Variants in FREM2 observed in about 807,000 individuals in gnomAD.
FREM2 encodes the protein FRAS1-related extracellular matrix protein 2.
A neutral mutation model predicts 219.9 loss-of-function variants in FREM2; 119 were observed. The observed-to-expected ratio is 0.54, with a 90% confidence interval of 0.47 to 0.63. FREM2 has a LOEUF of 0.63. FREM2 is among the 30% of genes least tolerant of loss of function. FREM2 has a pLI of 0.00. For synonymous variants in FREM2, 1,562 were observed against 1,522.8 expected (o/e 1.03, Z -0.60); for missense variants, 4,030 against 3,993.6 (o/e 1.01, Z -0.25).
At chr13:38,769,441 A>G (rs1873565035) in intron 3 of FREM2, 137 bp from the exon 4 acceptor site, 1 of 759,366 alleles carries the variant, frequency 1.3e-6, no homozygotes, top group African/African-American at 1.7e-5. Flanking sequence ...ACCCATTCCC[A>G]ATTTTCCATT....
At chr13:38,783,578 G>A (rs948750156) in intron 5 of FREM2, among the ~76,000 whole-genome samples, 2 of 151,424 alleles carry the variant, frequency 1.3e-5, no homozygotes, top group Non-Finnish European at 1.5e-5. Context: ...CAAAATGTTT[G>A]TTTTGCTCAT....
In FREM2 at chr13:38,691,033, C is replaced by T. The variant is rs778036928; in HGVS notation, c.3689C>T (p.Thr1230Ile). Residue 1230 changes from threonine (T) to isoleucine (I), a missense_variant, in exon 1 of 24, where the codon ACC (threonine) becomes ATC (isoleucine). Around this residue, in one of 2 missense-constraint regions of FREM2, gnomAD observed 3,102 missense variants for 2,950.7 expected, o/e 1.05. Coordinates refer to ENST00000280481, the MANE Select transcript of FREM2 (RefSeq NM_207361.6). ...CTGGATGATTTAACTTTCACTATTA[C>T]CCAATTCCCCACTCATGGTCACATC... Reference protein sequence around the residue: ...VPLDDLTFTITQFPTHGHIMN... With the variant: ...VPLDDLTFTIIQFPTHGHIMN... 12 of 1,614,004 alleles carry T rather than the reference C, an allele frequency of 7.4e-6. No homozygotes were observed. Among genetic ancestry groups the T allele is most frequent in the Non-Finnish European group, 1.0e-5 (12 of 1,180,020 alleles).
chr13:38,688,700 T>C lies in FREM2; in HGVS notation c.1356T>C (p.Gly452=). 1.9e-6 allele frequency: 3 copies of C among 1,613,924 alleles called. No individual in the cohort carries two copies. Among genetic ancestry groups the C allele is most frequent in the Non-Finnish European group, 2.5e-6 (3 of 1,179,870 alleles). The part of the protein sequence containing the change: ...TRNTGLILYE[G]QSRPLTGPAG... ...ATACCGGTCTTATTCTCTATGAGGG[T>C]CAGTCTCGGCCCCTCACAGGCCCTG... Residue 452 remains glycine (G), a synonymous_variant, in exon 1 of 24, where the codon GGT becomes GGC. Coordinates refer to ENST00000280481, the MANE Select transcript of FREM2 (RefSeq NM_207361.6).
intron 2 of FREM2, among the ~76,000 whole-genome samples, chr13:38,760,683 A>T (rs1044293339): frequency 3.3e-5 from 5 of 152,206 alleles, no homozygotes; most frequent in Non-Finnish European, 7.3e-5. Flanking sequence ...TAGAAAATTT[A>T]TGTTGCTCAA....
chr13:38,849,676 A>G (rs1339477096), intron 8 of FREM2, among the ~76,000 whole-genome samples: 1 of 152,226 alleles, frequency 6.6e-6, no homozygotes, highest in Non-Finnish European at 1.5e-5. Flanking sequence ...ACATGATCTG[A>G]GTAAACTATG....
intron 6 of FREM2, among the ~76,000 whole-genome samples, chr13:38,811,278 GTATTA>G (rs1316773247): frequency 9.2e-5 from 14 of 151,604 alleles, no homozygotes; most frequent in Middle Eastern, 3.4e-3. Flanking sequence ...TTGATCTTGT[GTATTA>G]TATTCTTCAT....
chr13:38,690,486 A>G lies in FREM2; in HGVS notation c.3142A>G (p.Asn1048Asp). 1 of 1,614,208 alleles carries G rather than the reference A, an allele frequency of 6.2e-7. No homozygotes were observed. The highest frequency in any genetic ancestry group is 8.5e-7 in the Non-Finnish European group (1 of 1,180,044). The change falls in exon 1 of 24, where the codon AAT becomes GAT. Residue 1048 changes from asparagine (N) to aspartate (D), a missense_variant. This residue lies in a region of FREM2 where 3,102 missense variants were observed against 2,950.7 expected (regional missense o/e 1.05). Coordinates refer to ENST00000280481, the MANE Select transcript of FREM2 (RefSeq NM_207361.6). Reference sequence around the variant, plus strand: ...GTCTCAAGAATGGAGAATTGGTGGCAATACTATCCAAGGAGTTACTATATG... The same window carrying G: ...GTCTCAAGAATGGAGAATTGGTGGCGATACTATCCAAGGAGTTACTATATG... The part of the protein sequence containing the change: ...DMSQEWRIGG[N>D]TIQGVTIWVT...
chr13:38,812,086 CTATAGTGTCT>C (rs1875501964), intron 6 of FREM2, among the ~76,000 whole-genome samples: 1 of 152,138 alleles, frequency 6.6e-6, no homozygotes, highest in Non-Finnish European at 1.5e-5. Flanking sequence ...GTCTTGAAAT[CTATAGTGTCT>C]TATATAAGTA....
intron 7 of FREM2, among the ~76,000 whole-genome samples, chr13:38,847,920 T>G (rs1189601565): frequency 2.0e-5 from 3 of 152,142 alleles, no homozygotes; most frequent in African/African-American, 7.2e-5. Flanking sequence ...AAGTAGAAGC[T>G]TCTCTCATTG....
At chr13:38,715,225 A>G (rs951325050) in intron 2 of FREM2, among the ~76,000 whole-genome samples, 3 of 152,224 alleles carry the variant, frequency 2.0e-5, no homozygotes, top group African/African-American at 7.2e-5. Context: ...AGAGACAAAG[A>G]TAACCAATGC....
intron 6 of FREM2, among the ~76,000 whole-genome samples, chr13:38,811,199 C>G (rs1162183644): frequency 2.0e-5 from 3 of 151,844 alleles, no homozygotes; most frequent in Non-Finnish European, 4.4e-5. Flanking sequence ...TTTGGATCTT[C>G]TCTCTTTTTT....
In FREM2 at chr13:38,824,822, C is replaced by G. The variant is rs371786473; in HGVS notation, c.6020-21751C>G. On this transcript the variant is annotated intron_variant, in intron 6 of 23. Coordinates refer to ENST00000280481, the MANE Select transcript of FREM2 (RefSeq NM_207361.6). ...AAGTTACACCTTATCAGAATTCAGA[C>G]TCCTCTCCTCCTGTAGGCTGGTGGT... 5.3e-5 allele frequency among the ~76,000 whole-genome samples: 8 copies of G among 152,012 alleles called. No homozygotes were observed. In the East Asian group the frequency reaches 1.5e-3, roughly 29 times the overall value.
In FREM2 at chr13:38,687,887, T is replaced by G; in HGVS notation, c.543T>G (p.Val181=). The G allele has an allele frequency of 6.3e-7, 1 of 1,583,948 alleles. No homozygotes were observed. Among genetic ancestry groups the G allele is most frequent in the Non-Finnish European group, 8.6e-7 (1 of 1,162,754 alleles). The change falls in exon 1 of 24, where the codon GTT becomes GTG. Residue 181 remains valine, a synonymous_variant. Transcript: ENST00000280481. ...EVEVVFTQLE[V]VTRNLPLVVE... Reference sequence around the variant, plus strand: ...AGGTGGTCTTCACCCAGCTGGAGGTTGTGACTCGGAACTTGCCTCTGGTCG... The same window carrying G: ...AGGTGGTCTTCACCCAGCTGGAGGTGGTGACTCGGAACTTGCCTCTGGTCG...
chr13:38,692,454 C>T lies in FREM2; in HGVS notation c.5110C>T (p.Pro1704Ser), dbSNP rs1191379420. Residue 1704 changes from proline (P) to serine (S), a missense_variant, in exon 1 of 24, where the codon CCT (proline) becomes TCT (serine). Pro to Ser is a moderately conservative substitution (Grantham distance 74, BLOSUM62 -1). Coordinates refer to ENST00000280481, the MANE Select transcript of FREM2 (RefSeq NM_207361.6). The part of the protein sequence containing the change: ...ISLRFIVTEA[P>S]QHGYLLNLDK... ...TCTTAGATTTATCGTGACAGAGGCC[C>T]CTCAACATGGATATCTTCTCAACCT... The T allele has an allele frequency of 6.2e-7, 1 of 1,613,666 alleles. No homozygotes were observed. The highest frequency in any genetic ancestry group is 1.3e-5 in the African/African-American group (1 of 74,904).
At chr13:38,818,008 T>C (rs1469328239) in intron 6 of FREM2, among the ~76,000 whole-genome samples, 1 of 152,050 alleles carries the variant, frequency 6.6e-6, no homozygotes, top group African/African-American at 2.4e-5. Context: ...CTCACTTCAG[T>C]TAGAATGGCT....
chr13:38,837,217 G>A (rs891560942), intron 6 of FREM2, among the ~76,000 whole-genome samples: 2 of 152,196 alleles, frequency 1.3e-5, no homozygotes, highest in South Asian at 4.1e-4. Context: ...TCATACAAGA[G>A]CAGGTTGTTC....
At chr13:38,793,817 G>T (rs1259941740) in intron 6 of FREM2, among the ~76,000 whole-genome samples, 1 of 152,152 alleles carries the variant, frequency 6.6e-6, no homozygotes, top group Non-Finnish European at 1.5e-5. Flanking sequence ...GGAAGAATGG[G>T]CATGTCATGG....
chr13:38,849,707 A>G (rs773346492), intron 8 of FREM2, among the ~76,000 whole-genome samples: 12 of 152,210 alleles, frequency 7.9e-5, no homozygotes, highest in Non-Finnish European at 1.5e-4. Flanking sequence ...TGTGCACAAT[A>G]TTCAGTGTTC....
At chr13:38,831,105 C>T (rs1566158340) in intron 6 of FREM2, among the ~76,000 whole-genome samples, 1 of 152,044 alleles carries the variant, frequency 6.6e-6, no homozygotes, top group Admixed American at 6.6e-5. Context: ...CTCACTGAGT[C>T]GAGAAATCAA....
Sources: allele counts gnomAD v4.1 joint callset (sites outside exome capture counted in the v4.1 genomes callset), GRCh38; gene constraint gnomAD v4.1.1; regional missense constraint gnomAD v4.1.1; transcripts MANE v1.5; gene names NCBI Gene and HGNC (gene_info 2026-07-23, HGNC 2026-07-21).